SNTG1: variants seen among roughly 807,000 people sequenced by gnomAD.
SNTG1 encodes syntrophin gamma 1, also known as gamma-1-syntrophin.
A neutral mutation model predicts 74.7 loss-of-function variants in SNTG1; 39 were observed. The observed-to-expected ratio is 0.52, with a 90% CI of 0.40 to 0.68. The LOEUF is 0.68. SNTG1 is among the 30% of genes least tolerant of loss of function. The pLI is 0.00. For synonymous variants in SNTG1, 254 were observed against 217.1 expected, an observed-to-expected ratio of 1.17 and a Z score of -1.49; for missense variants, 685 against 609.5, an observed-to-expected ratio of 1.12 and a Z score of -1.30.
intron 13 of SNTG1, among the ~76,000 whole-genome samples, chr8:50,655,404 C>T (rs1212902239): frequency 6.6e-6 from 1 of 152,052 alleles, no homozygotes; most frequent in Non-Finnish European, 1.5e-5. Flanking sequence ...ATAGCTGGTT[C>T]TTATTATGTT....
chr8:50,230,038 A>C (rs917311426), intron 2 of SNTG1, among the ~76,000 whole-genome samples: 14 of 151,480 alleles, frequency 9.2e-5, no homozygotes, highest in Non-Finnish European at 1.5e-4. Flanking sequence ...ACTTAAATGA[A>C]AATGACAATG....
chr8:50,676,597 G>A (rs530287657), intron 15 of SNTG1, among the ~76,000 whole-genome samples: 47 of 151,390 alleles, frequency 3.1e-4, no homozygotes, highest in Non-Finnish European at 4.7e-4. Context: ...TCAACATACC[G>A]TTTCTGATTC....
intron 2 of SNTG1, among the ~76,000 whole-genome samples, chr8:50,256,639 A>T (rs2086895774): frequency 6.6e-6 from 1 of 152,088 alleles, no homozygotes; most frequent in African/African-American, 2.4e-5. Context: ...TTTAATAAAT[A>T]TTTTGTAAGA....
intron 5 of SNTG1, among the ~76,000 whole-genome samples, chr8:50,440,881 T>G (rs1306972462): frequency 6.6e-6 from 1 of 152,230 alleles, no homozygotes. Context: ...TTTAGTTTTA[T>G]GTTAAAAACA....
intron 18 of SNTG1, among the ~76,000 whole-genome samples, chr8:50,772,866 A>G (rs1432122401): frequency 6.6e-6 from 1 of 152,110 alleles, no homozygotes; most frequent in East Asian, 1.9e-4. Context: ...TTTGTTAAAA[A>G]GAGTCTGGCT....
intron 13 of SNTG1, among the ~76,000 whole-genome samples, chr8:50,639,036 G>T (rs531761347): frequency 1.2e-3 from 176 of 151,998 alleles, no homozygotes; most frequent in Middle Eastern, 3.4e-3. Flanking sequence ...AATTATTGAG[G>T]TTTATATAAT....
At chr8:50,767,718 C>A (rs1289916966) in intron 18 of SNTG1, among the ~76,000 whole-genome samples, 1 of 151,866 alleles carries the variant, frequency 6.6e-6, no homozygotes, top group Non-Finnish European at 1.5e-5. Context: ...CTGATATATT[C>A]TCATAGTCAT....
chr8:50,414,380 T>A (rs1355377327), intron 4 of SNTG1, among the ~76,000 whole-genome samples: 1 of 152,122 alleles, frequency 6.6e-6, no homozygotes, highest in Non-Finnish European at 1.5e-5. Context: ...GAGGTCAAGA[T>A]TGGCAAGTTT....
chr8:50,259,015 T>C (rs1162036912), intron 2 of SNTG1, among the ~76,000 whole-genome samples: 1 of 152,086 alleles, frequency 6.6e-6, no homozygotes, highest in East Asian at 1.9e-4. Flanking sequence ...GTAAAAATGT[T>C]GAAAGGCAAA....
At chr8:49,996,641 T>C (rs1438576262) in intron 1 of SNTG1, among the ~76,000 whole-genome samples, 2 of 152,174 alleles carry the variant, frequency 1.3e-5, no homozygotes, top group East Asian at 3.8e-4. Flanking sequence ...AGTCCAAATG[T>C]TTATTTACAT....
chr8:50,465,672 A>T (rs978284814), intron 8 of SNTG1, among the ~76,000 whole-genome samples: 57 of 152,118 alleles, frequency 3.7e-4, no homozygotes, highest in African/African-American at 1.3e-3. Flanking sequence ...TTTTCCTTTA[A>T]CAGAATGCCA....
chr8:50,531,802 C>G (rs1196592415), intron 10 of SNTG1, among the ~76,000 whole-genome samples: 1 of 152,188 alleles, frequency 6.6e-6, no homozygotes, highest in Non-Finnish European at 1.5e-5. Context: ...CAACTTACTT[C>G]AGAATGGGAG....
At chr8:50,083,237 A>G (rs993210509) in intron 1 of SNTG1, among the ~76,000 whole-genome samples, 1 of 152,212 alleles carries the variant, frequency 6.6e-6, no homozygotes, top group Admixed American at 6.5e-5. Flanking sequence ...CCAGAGCTCT[A>G]AAACTGCTGA....
chr8:50,023,929 G>A (rs1817043408), intron 1 of SNTG1, among the ~76,000 whole-genome samples: 3 of 152,102 alleles, frequency 2.0e-5, no homozygotes. Context: ...GAGTCCATAG[G>A]GTTTTGGCCT....
In SNTG1 at chr8:50,313,297, A is replaced by G. The variant is rs538191152; in HGVS notation, c.-27-80915A>G. Among the ~76,000 whole-genome samples, 5 of 150,136 alleles carry G rather than the reference A, an allele frequency of 3.3e-5. No homozygotes were observed. In the East Asian group the frequency reaches 5.9e-4, roughly 18 times the overall value. ...TGACACCAAAAAGCACAGGAAACCA[A>G]AGCAAAAATACACAAATGGGGTTTC... is the stretch of plus-strand genomic sequence containing the variant. On this transcript the variant is annotated intron_variant, in intron 2 of 18. Coordinates refer to ENST00000642720, the MANE Select transcript of SNTG1 (RefSeq NM_018967.5).
In SNTG1 at chr8:50,536,675, C is replaced by T. The variant is rs778568237; in HGVS notation, c.550-3C>T. On this transcript the variant is annotated splice_polypyrimidine_tract_variant and splice_region_variant and intron_variant, in intron 10 of 18. Coordinates refer to ENST00000642720, the MANE Select transcript of SNTG1 (RefSeq NM_018967.5). ...TTACGTTGAATATTTATCTTCCTTTCAGGACACATTATCATGCTCGTCGTG... is the reference window on the plus strand; with the variant it reads ...TTACGTTGAATATTTATCTTCCTTTTAGGACACATTATCATGCTCGTCGTG... The T allele has an allele frequency of 1.9e-6, 3 of 1,613,210 alleles. No individual in the cohort carries two copies. The South Asian group carries it at 3.3e-5, about 18-fold the overall frequency.
intron 15 of SNTG1, among the ~76,000 whole-genome samples, chr8:50,671,494 A>G (rs1308685531): frequency 1.3e-5 from 2 of 152,164 alleles, no homozygotes; most frequent in African/African-American, 4.8e-5. Flanking sequence ...CCACAGTAAG[A>G]TACCATCTCA....
intron 2 of SNTG1, among the ~76,000 whole-genome samples, chr8:50,284,770 A>C (rs549693053): frequency 1.3e-5 from 2 of 152,146 alleles, no homozygotes; most frequent in Non-Finnish European, 2.9e-5. Flanking sequence ...TGTACACTAA[A>C]AGATGGTAAA....
intron 16 of SNTG1, 59 bp from the exon 17 acceptor site, chr8:50,708,824 GTTC>G: frequency 9.2e-7 from 1 of 1,084,008 alleles, no homozygotes; most frequent in Non-Finnish European, 1.4e-6. Flanking sequence ...CTGTAACATA[GTTC>G]ATAATATTGA....
Sources: allele counts gnomAD v4.1 joint callset (sites outside exome capture counted in the v4.1 genomes callset), GRCh38; gene constraint gnomAD v4.1.1; transcripts MANE v1.5; gene names NCBI Gene and HGNC (gene_info 2026-07-23, HGNC 2026-07-21).